Variants in B3GALT1 observed in about 807,000 individuals in gnomAD.
B3GALT1 encodes UDP-Gal:betaGlcNAc beta 1,3-galactosyltransferase, polypeptide 1.
In B3GALT1, 10 loss-of-function variants were observed where a neutral mutation model predicts 23.2. That is an observed-to-expected ratio of 0.43 (90% CI 0.27 to 0.73). The LOEUF (loss-of-function observed/expected upper bound fraction) is 0.73. B3GALT1 is among the 30% of genes least tolerant of loss of function. The pLI, the probability that B3GALT1 is intolerant of heterozygous loss-of-function variation, is 0.21. For synonymous variants in B3GALT1, 156 were observed against 141.5 expected (o/e 1.10, Z -0.73); for missense variants, 299 against 405.4 (o/e 0.74, Z 2.25).
intron 3 of B3GALT1, among the ~76,000 whole-genome samples, chr2:167,721,813 G>A (rs1045824318): frequency 6.6e-6 from 1 of 152,222 alleles, no homozygotes; most frequent in Admixed American, 6.5e-5. Context: ...TCTGGGGAGG[G>A]CTGGTCCTGT....
chr2:167,824,760 C>G (rs1420045470), intron 4 of B3GALT1, among the ~76,000 whole-genome samples: 1 of 152,166 alleles, frequency 6.6e-6, no homozygotes, highest in African/African-American at 2.4e-5. Context: ...GGAATGGCTC[C>G]AGGTCTTTCC....
intron 3 of B3GALT1, among the ~76,000 whole-genome samples, chr2:167,746,554 A>G (rs567504960): frequency 2.6e-5 from 4 of 152,356 alleles, no homozygotes; most frequent in Non-Finnish European, 5.9e-5. Context: ...TTTGCTGTTG[A>G]ACAAATTTAT....
chr2:167,864,701 T>G (rs1303258947), intron 4 of B3GALT1, among the ~76,000 whole-genome samples: 1 of 152,258 alleles, frequency 6.6e-6, no homozygotes, highest in Non-Finnish European at 1.5e-5. Flanking sequence ...TGGCTATTTA[T>G]GTAGTCACTC....
At chr2:167,419,741 A>G (rs1380919946) in intron 1 of B3GALT1, among the ~76,000 whole-genome samples, 1 of 152,174 alleles carries the variant, frequency 6.6e-6, no homozygotes, top group Non-Finnish European at 1.5e-5. Flanking sequence ...ATGCACAAAG[A>G]TAATTATGCT....
intron 2 of B3GALT1, among the ~76,000 whole-genome samples, chr2:167,493,188 A>T (rs1267942415): frequency 6.6e-6 from 1 of 152,160 alleles, no homozygotes; most frequent in Non-Finnish European, 1.5e-5. Context: ...GAGATTCTTC[A>T]TGAGCCTTTC....
intron 3 of B3GALT1, among the ~76,000 whole-genome samples, chr2:167,694,376 T>G (rs73971226): frequency 0.07 from 10,616 of 152,154 alleles, 558 homozygotes; most frequent in East Asian, 0.17. Flanking sequence ...TATTTTTGGC[T>G]TATACCTCAA....
At chr2:167,740,956 C>A (rs1335411734) in intron 3 of B3GALT1, among the ~76,000 whole-genome samples, 1 of 152,184 alleles carries the variant, frequency 6.6e-6, no homozygotes, top group Admixed American at 6.6e-5. Context: ...CTCCCTCCTT[C>A]CCTGGCACTA....
intron 3 of B3GALT1, among the ~76,000 whole-genome samples, chr2:167,813,762 A>T (rs1249162936): frequency 6.6e-6 from 1 of 152,226 alleles, no homozygotes; most frequent in Non-Finnish European, 1.5e-5. Flanking sequence ...TATTTCTGCT[A>T]CCCAAACTAA....
chr2:167,712,271 G>T (rs897385547), intron 3 of B3GALT1, among the ~76,000 whole-genome samples: 1 of 152,140 alleles, frequency 6.6e-6, no homozygotes, highest in Non-Finnish European at 1.5e-5. Context: ...TTTTAAGAGA[G>T]CCTCTAAATA....
chr2:167,487,852 A>G (rs1699651111), intron 1 of B3GALT1, among the ~76,000 whole-genome samples: 2 of 152,134 alleles, frequency 1.3e-5, no homozygotes, highest in African/African-American at 2.4e-5. Context: ...ATTTATCGTG[A>G]GTATGCATAA....
chr2:167,595,986 C>T (rs1184540305), intron 2 of B3GALT1, among the ~76,000 whole-genome samples: 1 of 152,144 alleles, frequency 6.6e-6, no homozygotes, highest in African/African-American at 2.4e-5. Context: ...CTCCTAGGAG[C>T]CTTCCTAGAA....
chr2:167,603,127 A>G (rs1684903430), intron 2 of B3GALT1, among the ~76,000 whole-genome samples: 1 of 152,190 alleles, frequency 6.6e-6, no homozygotes, highest in Non-Finnish European at 1.5e-5. Flanking sequence ...GGATTTTAAT[A>G]AAGAGGACTT....
intron 3 of B3GALT1, among the ~76,000 whole-genome samples, chr2:167,702,842 TA>T (rs1384296941): frequency 6.6e-6 from 1 of 152,236 alleles, no homozygotes; most frequent in Non-Finnish European, 1.5e-5. Context: ...CAAGAAAAGC[TA>T]CAAAAGAAAC....
intron 1 of B3GALT1, among the ~76,000 whole-genome samples, chr2:167,331,000 GT>G (rs1303220749): frequency 6.6e-6 from 1 of 151,676 alleles, no homozygotes; most frequent in Non-Finnish European, 1.5e-5. Context: ...ATGGACGGAT[GT>G]TTTTTTCTGA....
intron 2 of B3GALT1, among the ~76,000 whole-genome samples, chr2:167,590,844 A>G (rs1684668045): frequency 6.6e-6 from 1 of 152,240 alleles, no homozygotes; most frequent in African/African-American, 2.4e-5. Flanking sequence ...ATGTTTCAGG[A>G]TAACTGCAAT....
intron 1 of B3GALT1, among the ~76,000 whole-genome samples, chr2:167,339,134 G>A (rs1166575937): frequency 6.6e-6 from 1 of 152,112 alleles, no homozygotes; most frequent in Admixed American, 6.6e-5. Flanking sequence ...TCTTAGACAT[G>A]TGGAAGAAGA....
chr2:167,715,275 T>C, intron 3 of B3GALT1: 2 of 1,614,010 alleles, frequency 1.2e-6, no homozygotes, highest in Admixed American at 1.7e-5. Flanking sequence ...AGGGTCTTGA[T>C]GTGATTTTCT....
chr2:167,808,828 C>A (rs897089364), intron 3 of B3GALT1, among the ~76,000 whole-genome samples: 1 of 152,108 alleles, frequency 6.6e-6, no homozygotes, highest in Admixed American at 6.5e-5. Flanking sequence ...TGAATGTTGG[C>A]CTGTCTTGCT....
intron 2 of B3GALT1, among the ~76,000 whole-genome samples, chr2:167,518,178 A>T (rs530135158): frequency 6.6e-6 from 1 of 151,936 alleles, no homozygotes; most frequent in African/African-American, 2.4e-5. Flanking sequence ...TTTCTTCCAC[A>T]TAAGACTAAT....
Sources: allele counts gnomAD v4.1 joint callset (sites outside exome capture counted in the v4.1 genomes callset), GRCh38; gene constraint gnomAD v4.1.1; transcripts MANE v1.5; gene names NCBI Gene and HGNC (gene_info 2026-07-23, HGNC 2026-07-21).